The following TSC22D1 variants were observed in gnomAD, a reference collection of about 807,000 sequenced individuals.
TSC22D1 encodes the protein TSC22 domain family protein 1.
TSC22D1 carries 9 observed loss-of-function variants against 74.2 expected under a neutral mutation model. The ratio of observed to expected loss-of-function variants is 0.12; its 90% CI spans 0.07 to 0.21. The LOEUF is 0.21. Ranked by LOEUF, TSC22D1 falls within the 10% of genes least tolerant of loss-of-function variation. TSC22D1 has a pLI of 1.00. For synonymous variants in TSC22D1, 586 were observed against 492.5 expected (o/e 1.19, Z -2.51); for missense variants, 1,427 against 1,304.7 (o/e 1.09, Z -1.44).
chr13:44,438,295 A>T (rs1270494355), intron 1 of TSC22D1, among the ~76,000 whole-genome samples: 1 of 152,246 alleles, frequency 6.6e-6, no homozygotes, highest in African/African-American at 2.4e-5. Flanking sequence ...ACCGTAGAAC[A>T]TATATATGTA....
At chr13:44,496,251 A>C (rs560604319) in intron 1 of TSC22D1, among the ~76,000 whole-genome samples, 1 of 152,350 alleles carries the variant, frequency 6.6e-6, no homozygotes, top group Admixed American at 6.5e-5. Context: ...GGGAAATGGA[A>C]ATCAAAGCCA....
At chr13:44,540,014 T>C in intron 1 of TSC22D1, 1 of 1,033,650 alleles carries the variant, frequency 9.7e-7, no homozygotes, top group Non-Finnish European at 1.3e-6. Flanking sequence ...GGCTTAATCC[T>C]CAGGATAAAA....
intron 1 of TSC22D1, among the ~76,000 whole-genome samples, chr13:44,522,668 T>C (rs1274293676): frequency 6.6e-6 from 1 of 152,212 alleles, no homozygotes; most frequent in Non-Finnish European, 1.5e-5. Flanking sequence ...TGACCTTTTA[T>C]CTTTCACAAA....
chr13:44,570,069 A>G (rs531458275), intron 1 of TSC22D1, among the ~76,000 whole-genome samples: 2 of 152,274 alleles, frequency 1.3e-5, no homozygotes, highest in East Asian at 3.9e-4. Context: ...AGTTTGACCC[A>G]TTTCACGTTA....
rs147691310 is a variant in TSC22D1 at position 44,514,633 on chromosome 13, G to A, written c.2912+58530C>T. 1.9e-3 allele frequency among the ~76,000 whole-genome samples: 287 copies of A among 152,288 alleles called. 10 individuals carry two copies. In the East Asian group the frequency reaches 0.048, roughly 25 times the overall value. On this transcript the variant is annotated intron_variant, in intron 1 of 2. Transcript: ENST00000458659. ...CCAACACTTTGGGAGGCCAAAGGGG[G>A]CAGAACACTTGAGGTCAGGAGTTCA... is the stretch of plus-strand genomic sequence containing the variant.
chr13:44,482,530 C>T (rs1878227332), intron 1 of TSC22D1, among the ~76,000 whole-genome samples: 1 of 152,128 alleles, frequency 6.6e-6, no homozygotes, highest in Non-Finnish European at 1.5e-5. Flanking sequence ...CAGAGTGAGA[C>T]TCCATCTCAA....
In TSC22D1 at chr13:44,574,877, G is replaced by C. The variant is rs545823361; in HGVS notation, c.1198C>G (p.Pro400Ala). The change falls in exon 1 of 3, where the codon CCA becomes GCA. Residue 400 changes from proline (P) to alanine (A), a missense_variant. Physicochemically the swap from Pro to Ala is conservative, Grantham distance 27. Transcript: ENST00000458659. ...GGSVSSQQQQ[P>A]TVNTSRFRVV... ...CTGAACCTCGAAGTGTTAACTGTTG[G>C]TTGTTGCTGCTGACTTGAAACCGAT... is the stretch of plus-strand genomic sequence containing the variant. The C allele has an allele frequency of 6.2e-7, 1 of 1,614,120 alleles. No individual in the cohort carries two copies. Among genetic ancestry groups the C allele is most frequent in the Admixed American group, 1.7e-5 (1 of 60,012 alleles).
chr13:44,554,515 T>G (rs1258856553), intron 1 of TSC22D1, among the ~76,000 whole-genome samples: 2 of 151,892 alleles, frequency 1.3e-5, no homozygotes, highest in African/African-American at 4.8e-5. Context: ...CAAAACCATG[T>G]CTTTTTTTTT....
chr13:44,488,512 T>C (rs779459964), intron 1 of TSC22D1, among the ~76,000 whole-genome samples: 7 of 152,208 alleles, frequency 4.6e-5, no homozygotes, highest in Admixed American at 4.6e-4. Context: ...TGCATTTCCA[T>C]TGGATAGTGC....
At chr13:44,440,778 C>G (rs1875134915) in intron 1 of TSC22D1, among the ~76,000 whole-genome samples, 1 of 151,964 alleles carries the variant, frequency 6.6e-6, no homozygotes, top group Admixed American at 6.6e-5. Context: ...ATGCCCACCA[C>G]AAGAAATGAA....
chr13:44,554,592 G>A (rs939723677), intron 1 of TSC22D1, among the ~76,000 whole-genome samples: 2 of 114,446 alleles, frequency 1.7e-5, no homozygotes, highest in Non-Finnish European at 3.3e-5. Flanking sequence ...TATTGAATGA[G>A]TATTTTTGAA....
At position 44,434,382 on chromosome 13, in the gene TSC22D1, T is replaced by G; in HGVS notation, c.*244A>C. 1.5e-6 allele frequency: 2 copies of G among 1,375,730 alleles called. No homozygotes were observed. Among genetic ancestry groups the G allele is most frequent in the Non-Finnish European group, 9.3e-7 (1 of 1,074,246 alleles). The allele number at this position is 1,375,730 out of a possible 1,614,324, so 85.2% of individuals were successfully genotyped here. A position where few individuals can be genotyped will look rare whatever the true frequency, so the allele number is the denominator to read the frequency against. ...TTTCTCAGATATCTGCCAAGCTGCA[T>G]GAGGTCCCGGTATATCCATGCTAAT... On this transcript the variant is annotated 3_prime_UTR_variant, in exon 3 of 3. Transcript: ENST00000458659.
Position 44,434,562 on chromosome 13 carries a change from C to G in TSC22D1, c.*64G>C. The G allele has an allele frequency of 6.7e-7, 1 of 1,491,330 alleles. No homozygotes were observed. The allele number at this position is 1,491,330 out of a possible 1,614,324, so 92.4% of individuals were successfully genotyped here. A position where few individuals can be genotyped will look rare whatever the true frequency, so the allele number is the denominator to read the frequency against. On this transcript the variant is annotated 3_prime_UTR_variant, in exon 3 of 3. Coordinates refer to ENST00000458659, the MANE Select transcript of TSC22D1 (RefSeq NM_183422.4). Reference sequence around the variant, plus strand: ...GGGTGACTGTGGAGGCAGATTCTCCCTAGCACATCTTCTCCGTCTGTTCAG... The same window carrying G: ...GGGTGACTGTGGAGGCAGATTCTCCGTAGCACATCTTCTCCGTCTGTTCAG...
At chr13:44,455,727 A>T (rs1341601722) in intron 1 of TSC22D1, among the ~76,000 whole-genome samples, 1 of 152,156 alleles carries the variant, frequency 6.6e-6, no homozygotes, top group Non-Finnish European at 1.5e-5. Flanking sequence ...CGCATAGGGA[A>T]TCTATTACAG....
chr13:44,451,668 C>A (rs1341413164), intron 1 of TSC22D1, among the ~76,000 whole-genome samples: 1 of 152,190 alleles, frequency 6.6e-6, no homozygotes, highest in African/African-American at 2.4e-5. Context: ...ATATTTCTCA[C>A]CAATGAATTG....
At chr13:44,455,423 A>G (rs888854160) in intron 1 of TSC22D1, among the ~76,000 whole-genome samples, 10 of 152,228 alleles carry the variant, frequency 6.6e-5, no homozygotes, top group Middle Eastern at 3.2e-3. Context: ...ACTCTTTTTT[A>G]AAGAAACATG....
intron 1 of TSC22D1, among the ~76,000 whole-genome samples, chr13:44,473,741 A>C (rs1387550728): frequency 6.6e-6 from 1 of 152,186 alleles, no homozygotes; most frequent in Non-Finnish European, 1.5e-5. Context: ...TTTACATATA[A>C]TTTGAGGACC....
At chr13:44,455,719 C>T (rs1876543336) in intron 1 of TSC22D1, among the ~76,000 whole-genome samples, 1 of 152,140 alleles carries the variant, frequency 6.6e-6, no homozygotes, top group Non-Finnish European at 1.5e-5. Context: ...GAATTAATCG[C>T]ATAGGGAATC....
At chr13:44,565,977 T>A (rs1004804268) in intron 1 of TSC22D1, among the ~76,000 whole-genome samples, 3 of 151,976 alleles carry the variant, frequency 2.0e-5, no homozygotes, top group Admixed American at 2.0e-4. Flanking sequence ...AAAGAAAAAA[T>A]AAATAAATAA....
Sources: allele counts gnomAD v4.1 joint callset (sites outside exome capture counted in the v4.1 genomes callset), GRCh38; gene constraint gnomAD v4.1.1; transcripts MANE v1.5; gene names NCBI Gene and HGNC (gene_info 2026-07-23, HGNC 2026-07-21).